Variants in MGAM observed in about 807,000 individuals in gnomAD.
The protein encoded by MGAM is alpha-1,4-glucosidase.
MGAM carries 253 observed loss-of-function variants against 358.8 expected under a neutral mutation model. That is an observed-to-expected ratio of 0.71 (90% CI 0.64 to 0.78). MGAM has a LOEUF of 0.78. Among genes scored for constraint, MGAM ranks in the 30% least tolerant of loss-of-function variants. The pLI is 0.00. For synonymous variants in MGAM, 1,105 were observed against 1,227.1 expected (o/e 0.90, Z 2.08); for missense variants, 3,080 against 3,432.6 (o/e 0.90, Z 2.57).
rs759861637 is a variant in MGAM, at chr7:142,062,551, A to C, written c.4123-17A>C. 46 of 1,526,400 alleles carry C rather than the reference A, an allele frequency of 3.0e-5. No individual in the cohort carries two copies. In the Middle Eastern group the frequency reaches 9.9e-4, roughly 33 times the overall value. 94.6% of individuals were successfully genotyped at this position (1,526,400 alleles called of 1,614,324 possible). A position where few individuals can be genotyped will look rare whatever the true frequency, so the allele number is the denominator to read the frequency against. The stretch of plus-strand genomic sequence containing the variant: ...TATATTTGTGTGGGACAAAGAAATT[A>C]TATTTCTTTTTTATAGCTATATCGA... On this transcript the variant is annotated splice_polypyrimidine_tract_variant and intron_variant, in intron 34 of 70. Transcript: ENST00000475668.
chr7:142,103,563 T>C (rs1410896797), intron 70 of MGAM, 124 bp downstream of exon 70: 1 of 984,128 alleles, frequency 1.0e-6, no homozygotes, highest in Non-Finnish European at 1.4e-6. Flanking sequence ...CCCTGAGTTT[T>C]CCATGTGTTA....
rs560945948 is a variant in MGAM at position 142,060,063 on chromosome 7, T to G, written c.4059+97T>G. On this transcript the variant is annotated intron_variant, in intron 33 of 70. Coordinates refer to ENST00000475668, the MANE Select transcript of MGAM (RefSeq NM_001365693.1). ...GGGTCACACGCCTGTGTATGTTATTTTTGGCCTTTTCTATTTGGGCTCTGA... is the reference window on the plus strand; with the variant it reads ...GGGTCACACGCCTGTGTATGTTATTGTTGGCCTTTTCTATTTGGGCTCTGA... 8.4e-4 allele frequency: 1,139 copies of G among 1,351,702 alleles called. 1 individual carries two copies. The highest frequency in any genetic ancestry group is 1.1e-3 in the Non-Finnish European group (1,053 of 984,570). 83.7% of individuals were successfully genotyped at this position (1,351,702 alleles called of 1,614,324 possible).
chr7:142,058,115 G>A, intron 30 of MGAM, 88 bp from the exon 31 acceptor site: 1 of 1,583,262 alleles, frequency 6.3e-7, no homozygotes, highest in Non-Finnish European at 8.6e-7. Flanking sequence ...TCTAGCTTGG[G>A]GCACAGAAAA....
chr7:142,042,101 C>CATATAAT (rs1346457955), intron 21 of MGAM, among the ~76,000 whole-genome samples: 3 of 56,520 alleles, frequency 5.3e-5, no homozygotes, highest in African/African-American at 1.3e-4. Context: ...ATAATATATA[C>CATATAAT]ATATAATATA....
intron 37 of MGAM, among the ~76,000 whole-genome samples, chr7:142,065,132 T>G (rs1007757675): frequency 1.3e-5 from 2 of 152,164 alleles, no homozygotes; most frequent in Admixed American, 1.3e-4. Flanking sequence ...ACAGTGAAGT[T>G]CTTTGTAAAG....
Position 142,066,647 on chromosome 7 carries a change from G to C in MGAM, c.4845G>C (p.Leu1615=), listed in dbSNP as rs1252136883. 1 of 1,555,854 alleles carries C rather than the reference G, an allele frequency of 6.4e-7. No individual in the cohort carries two copies. The highest frequency in any genetic ancestry group is 8.8e-7 in the Non-Finnish European group (1 of 1,132,468). Residue 1615 remains leucine, a synonymous_variant, in exon 41 of 71, where the codon CTG becomes CTC. Transcript: ENST00000475668. ...SRNVLQTRYT[L]LPYLYTLMQK... is the part of the protein sequence containing the mutation. ...ATGTCCTGCAGACCAGATACACCCTGTTGCCATATCTGTATACCTTGATGC... is the reference window on the plus strand; with the variant it reads ...ATGTCCTGCAGACCAGATACACCCTCTTGCCATATCTGTATACCTTGATGC...
intron 7 of MGAM, among the ~76,000 whole-genome samples, chr7:142,023,323 C>T (rs1182605226): frequency 3.3e-5 from 5 of 151,964 alleles, no homozygotes; most frequent in Non-Finnish European, 7.4e-5. Flanking sequence ...CTTGGTCTCC[C>T]GTAAGTGCTG....
intron 1 of MGAM, among the ~76,000 whole-genome samples, chr7:141,998,105 C>T (rs1163530387): frequency 6.6e-6 from 1 of 152,188 alleles, no homozygotes; most frequent in South Asian, 2.1e-4. Flanking sequence ...AATTTGGGCC[C>T]CCATGTGGTT....
At chr7:142,043,791 A>T (rs556912293) in intron 21 of MGAM, among the ~76,000 whole-genome samples, 191 of 82,240 alleles carry the variant, frequency 2.3e-3, no homozygotes, top group African/African-American at 4.8e-3. Context: ...CATACGACAT[A>T]TAATATATAC....
intron 7 of MGAM, 133 bp downstream of exon 7, chr7:142,022,572 C>T: frequency 1.0e-6 from 1 of 955,764 alleles, no homozygotes; most frequent in Non-Finnish European, 1.5e-6. Context: ...TCTAGTCTTG[C>T]TATTCACCAG....
rs1404973613 is a variant in MGAM at position 142,046,162 on chromosome 7, TTTTTG to T, written c.2499-1608_2499-1604del. Among the ~76,000 whole-genome samples, 6 of 146,696 alleles carry T rather than the reference TTTTTG, an allele frequency of 4.1e-5. No individual in the cohort carries two copies. In the East Asian group the frequency reaches 5.9e-4, roughly 14 times the overall value. Reference sequence around the variant, plus strand: ...ATATTATATATATATTTATATTATATTTTTGTTTTGTTTTGTTTTTTGCTCCTTAG... The same window carrying T: ...ATATTATATATATATTTATATTATATTTTTGTTTTGTTTTTTGCTCCTTAG... On this transcript the variant is annotated intron_variant, in intron 21 of 70. Transcript: ENST00000475668.
chr7:142,006,986 T>C, intron 2 of MGAM, among the ~76,000 whole-genome samples: 1 of 152,144 alleles, frequency 6.6e-6, no homozygotes, highest in East Asian at 1.9e-4. Flanking sequence ...CTGATTTCTT[T>C]GGGGCATTGT....
intron 21 of MGAM, among the ~76,000 whole-genome samples, chr7:142,044,742 A>G (rs1211558372): frequency 1.1e-5 from 1 of 94,288 alleles, no homozygotes; most frequent in Non-Finnish European, 2.0e-5. Flanking sequence ...TATTATATAC[A>G]CGTGTAATAT....
Position 142,091,898 on chromosome 7 carries a change from A to T in MGAM, c.6811-15A>T, listed in dbSNP as rs1815419788. 3 of 1,408,956 alleles carry T rather than the reference A, an allele frequency of 2.1e-6. 1 individual carries two copies. Among genetic ancestry groups the T allele is most frequent in the Non-Finnish European group, 2.9e-6 (3 of 1,042,636 alleles). 87.3% of individuals were successfully genotyped at this position (1,408,956 alleles called of 1,614,324 possible). A position where few individuals can be genotyped will look rare whatever the true frequency, so the allele number is the denominator to read the frequency against. On this transcript the variant is annotated splice_polypyrimidine_tract_variant and intron_variant, in intron 57 of 70. Coordinates refer to ENST00000475668, the MANE Select transcript of MGAM (RefSeq NM_001365693.1). ...TATTTGTGTGGGACAAAGAAATTATATTTCTTTTTTATAGCTATATCGAGC... is the reference window on the plus strand; with the variant it reads ...TATTTGTGTGGGACAAAGAAATTATTTTTCTTTTTTATAGCTATATCGAGC...
At chr7:142,089,597 C>T (rs1815170392) in intron 57 of MGAM, among the ~76,000 whole-genome samples, 1 of 145,686 alleles carries the variant, frequency 6.9e-6, no homozygotes, top group Non-Finnish European at 1.6e-5. Context: ...TCAAGATCAA[C>T]CTGACCACCA....
At chr7:142,101,207 C>T (rs3800993) in intron 68 of MGAM, among the ~76,000 whole-genome samples, 20,969 of 152,036 alleles carry the variant, frequency 0.14, 1,583 homozygotes, top group Non-Finnish European at 0.17. Flanking sequence ...GACACATTCC[C>T]GAATTACATG....
At position 142,065,717 on chromosome 7, in the gene MGAM, G is replaced by A. The variant is rs1477165922; in HGVS notation, c.4656G>A (p.Thr1552=). 2.5e-6 allele frequency: 4 copies of A among 1,588,614 alleles called. No homozygotes were observed. The highest frequency in any genetic ancestry group is 2.2e-5 in the East Asian group (1 of 44,468). The part of the protein sequence containing the change: ...MEFSLFGISY[T]GADICGFFQD... ...CCTTTTATTTCCTCTTGTTTCAGAC[G>A]GGAGCAGATATCTGTGGGTTCTTTC... is the stretch of plus-strand genomic sequence containing the variant. The change falls in exon 40 of 71, where the codon ACG becomes ACA. Residue 1552 remains threonine, a splice_region_variant and synonymous_variant. Coordinates refer to ENST00000475668, the MANE Select transcript of MGAM (RefSeq NM_001365693.1).
At chr7:142,070,164 G>A (rs2129047233) in intron 43 of MGAM, among the ~76,000 whole-genome samples, 1 of 141,428 alleles carries the variant, frequency 7.1e-6, no homozygotes, top group African/African-American at 2.5e-5. Context: ...CTGCACTCCA[G>A]CCTGGGTGAC....
At position 142,045,210 on chromosome 7, in the gene MGAM, C is replaced by CATATA. The variant is rs1809968171; in HGVS notation, c.2499-2574_2499-2570dup. On this transcript the variant is annotated intron_variant, in intron 21 of 70. Coordinates refer to ENST00000475668, the MANE Select transcript of MGAM (RefSeq NM_001365693.1). Reference sequence around the variant, plus strand: ...ATGATATATAATATATATTATATAACATATATGTATATAATATATATTATA... The same window carrying CATATA: ...ATGATATATAATATATATTATATAACATATAATATATGTATATAATATATATTATA... Among the ~76,000 whole-genome samples the CATATA allele has an allele frequency of 6.2e-4, 7 of 11,368 alleles. 1 individual carries two copies. The highest frequency in any genetic ancestry group is 9.1e-4 in the African/African-American group (3 of 3,282). The allele number at this position is 11,368 out of a possible 152,430, so 7.5% of individuals were successfully genotyped here.
Sources: gnomAD v4.1 joint callset for allele counts (sites outside exome capture counted in the v4.1 genomes callset) on GRCh38, gnomAD v4.1.1 for gene constraint, MANE v1.5 for transcripts, NCBI Gene and HGNC (gene_info 2026-07-23, HGNC 2026-07-21) for gene names.